CEP152: variants seen among roughly 807,000 people sequenced by gnomAD.
CEP152 encodes centrosomal protein 152.
Under a neutral mutation model 188.9 loss-of-function variants are expected in CEP152, and 132 were observed. The observed-to-expected ratio is 0.70, with a 90% confidence interval of 0.61 to 0.81. The LOEUF is 0.81. CEP152 is among the 30% of genes least tolerant of loss of function. The pLI is 0.00. For missense variants in CEP152, 1,914 were observed against 1,969.8 expected (o/e 0.97, Z 0.54); for synonymous variants, 649 against 666.6 (o/e 0.97, Z 0.41).
chr15:48,759,875 A>G (rs900257041), intron 19 of CEP152, among the ~76,000 whole-genome samples: 4 of 152,218 alleles, frequency 2.6e-5, no homozygotes, highest in Admixed American at 6.5e-5. Flanking sequence ...CCTGTTCTCA[A>G]TTTCATCTAA....
At chr15:48,785,986 C>T (rs1208054394) in intron 9 of CEP152, among the ~76,000 whole-genome samples, 2 of 150,588 alleles carry the variant, frequency 1.3e-5, no homozygotes, top group African/African-American at 4.9e-5. Context: ...AAGAACTGGA[C>T]AGGGTTCTAG....
At chr15:48,739,372 A>G (rs2140548393) in intron 26 of CEP152, 84 bp from the exon 27 acceptor site, 1 of 1,456,158 alleles carries the variant, frequency 6.9e-7, no homozygotes, top group East Asian at 2.5e-5. Context: ...AATAAAAAAA[A>G]TTAAAAATAA....
chr15:48,767,273 A>C, intron 16 of CEP152, 62 bp downstream of exon 16: 1 of 1,613,958 alleles, frequency 6.2e-7, no homozygotes, highest in South Asian at 1.1e-5. Context: ...TTTCCTCTAA[A>C]TTATGGAATA....
intron 5 of CEP152, among the ~76,000 whole-genome samples, chr15:48,796,568 G>A (rs986690849): frequency 3.9e-5 from 6 of 151,988 alleles, no homozygotes; most frequent in South Asian, 2.1e-4. Context: ...ATGGACCACG[G>A]TGCCTCATAT....
downstream of CEP152, among the ~76,000 whole-genome samples, chr15:48,737,373 T>A (rs1055728822): frequency 1.3e-5 from 2 of 152,188 alleles, no homozygotes; most frequent in Non-Finnish European, 2.9e-5. Flanking sequence ...TGAAAAAGAA[T>A]TCACCTAAAA....
intron 6 of CEP152, among the ~76,000 whole-genome samples, chr15:48,793,691 T>C (rs751581817): frequency 6.6e-6 from 1 of 152,202 alleles, no homozygotes; most frequent in African/African-American, 2.4e-5. Context: ...TACCTGTTCA[T>C]ATAGATACAT....
chr15:48,790,468 G>A (rs182000157), intron 8 of CEP152, among the ~76,000 whole-genome samples: 29 of 152,222 alleles, frequency 1.9e-4, no homozygotes, highest in Admixed American at 5.2e-4. Context: ...ATGAGGAGAA[G>A]CCAGACATGA....
intron 2 of CEP152, among the ~76,000 whole-genome samples, chr15:48,804,926 G>C (rs1466622129): frequency 6.6e-6 from 1 of 152,086 alleles, no homozygotes; most frequent in Non-Finnish European, 1.5e-5. Context: ...GCATACACGG[G>C]GTCTCTTCCC....
chr15:48,732,008 G>A (rs1361978755), intron 2 of CEP152, among the ~76,000 whole-genome samples: 4 of 152,138 alleles, frequency 2.6e-5, no homozygotes, highest in Non-Finnish European at 4.4e-5. Context: ...ATCATCTCAC[G>A]TGATTATTAA....
At chr15:48,751,605 C>T (rs1354675867) in intron 21 of CEP152, among the ~76,000 whole-genome samples, 1 of 152,118 alleles carries the variant, frequency 6.6e-6, no homozygotes, top group Admixed American at 6.6e-5. Context: ...TAGTTCTTTT[C>T]CAGGTTACAT....
intron 24 of CEP152, among the ~76,000 whole-genome samples, chr15:48,743,097 T>A (rs528756933): frequency 6.6e-6 from 1 of 152,192 alleles, no homozygotes; most frequent in Non-Finnish European, 1.5e-5. Context: ...GATGAAAACA[T>A]GCTTAAAATT....
At chr15:48,747,264 C>A (rs1401440384) in intron 22 of CEP152, among the ~76,000 whole-genome samples, 2 of 152,172 alleles carry the variant, frequency 1.3e-5, no homozygotes, top group Non-Finnish European at 2.9e-5. Context: ...ACAAAATAAA[C>A]TTATTAACCT....
At chr15:48,804,902 C>T (rs1595707676) in intron 2 of CEP152, among the ~76,000 whole-genome samples, 1 of 152,350 alleles carries the variant, frequency 6.6e-6, no homozygotes, top group African/African-American at 2.4e-5. Flanking sequence ...TCTGGCCGCT[C>T]CACATGATCT....
At chr15:48,788,701 A>G (rs548825016) in intron 9 of CEP152, 100 bp downstream of exon 9, 375 of 1,156,388 alleles carry the variant, frequency 3.2e-4, no homozygotes, top group Admixed American at 9.4e-4. Flanking sequence ...ATTTACTACA[A>G]ACATCCAAGA....
At chr15:48,750,672 C>T (rs1230025812) in intron 21 of CEP152, among the ~76,000 whole-genome samples, 1 of 152,018 alleles carries the variant, frequency 6.6e-6, no homozygotes, top group Non-Finnish European at 1.5e-5. Flanking sequence ...AATGAATGAA[C>T]TAGAGCTATT....
chr15:48,788,326 C>CTTTTTTTTTT (rs538514112), intron 9 of CEP152, among the ~76,000 whole-genome samples: 1 of 97,064 alleles, frequency 1.0e-5, no homozygotes, highest in African/African-American at 3.8e-5. Flanking sequence ...TCACTGGCTT[C>CTTTTTTTTTT]TTTTTTTTTT....
In CEP152 at chr15:48,796,140, C is replaced by G; in HGVS notation, c.561G>C (p.Leu187Phe). ...TATATGTCACTTTATTATACGGTTC[C>G]AAACCTTGACAACTGGGACCCTGTG... is the stretch of plus-strand genomic sequence containing the variant. ...NHFQGPSCQGLEPYNKVTYKP... is the reference protein window; with the variant it reads ...NHFQGPSCQGFEPYNKVTYKP... The change falls in exon 6 of 27, where the codon TTG (leucine) becomes TTC (phenylalanine). Residue 187 changes from leucine (L) to phenylalanine (F), a missense_variant. Transcript: ENST00000380950. 6.2e-7 allele frequency: 1 copy of G among 1,613,684 alleles called. No homozygotes were observed.
In CEP152 at chr15:48,790,470, C is replaced by T. The variant is rs1779422439; in HGVS notation, c.972+767G>A. Among the ~76,000 whole-genome samples, 4 of 152,156 alleles carry T rather than the reference C, an allele frequency of 2.6e-5. No homozygotes were observed. The South Asian group carries it at 8.3e-4, about 31-fold the overall frequency. ...TAAGACCTGAAGGATGAGGAGAAGCCAGACATGAGACAACACTGTTTAAAC... is the reference window on the plus strand; with the variant it reads ...TAAGACCTGAAGGATGAGGAGAAGCTAGACATGAGACAACACTGTTTAAAC... On this transcript the variant is annotated intron_variant, in intron 8 of 26. Transcript: ENST00000380950.
rs763301318 is a variant in CEP152, at chr15:48,797,434, C to T, written c.407G>A (p.Ser136Asn). 3.1e-6 allele frequency: 5 copies of T among 1,614,148 alleles called. No individual in the cohort carries two copies. In the South Asian group the frequency reaches 4.4e-5, roughly 14 times the overall value. ...ATATAAATCAGTCTGTTCACATTTA[C>T]TTGGAGGACTATAACCACTTCCACC... The part of the protein sequence containing the change: ...DEGGSGYSPP[S>N]KCEQTDLYHL... Residue 136 changes from serine (S) to asparagine (N), a missense_variant, in exon 5 of 27, where the codon AGT becomes AAT. Coordinates refer to ENST00000380950, the MANE Select transcript of CEP152 (RefSeq NM_001194998.2).
Sources: gnomAD v4.1 joint callset for allele counts (sites outside exome capture counted in the v4.1 genomes callset) on GRCh38, gnomAD v4.1.1 for gene constraint, MANE v1.5 for transcripts, NCBI Gene and HGNC (gene_info 2026-07-23, HGNC 2026-07-21) for gene names.